SLC24A2: variants seen among roughly 807,000 people sequenced by gnomAD.
SLC24A2 encodes sodium/potassium/calcium exchanger 2.
A neutral mutation model predicts 62.0 loss-of-function variants in SLC24A2; 36 were observed. The ratio of observed to expected loss-of-function variants is 0.58; its 90% CI spans 0.44 to 0.77. The LOEUF is 0.77. SLC24A2 is among the 30% of genes least tolerant of loss of function. The pLI is 0.00. For synonymous variants in SLC24A2, 358 were observed against 294.0 expected (o/e 1.22, Z -2.23); for missense variants, 846 against 817.9 (o/e 1.03, Z -0.42).
At chr9:20,282,836 G>A in the SLC24A2 span, among the ~76,000 whole-genome samples, 1 of 152,100 alleles carries the variant, frequency 6.6e-6, no homozygotes, top group African/African-American at 2.4e-5. Context: ...TACCTTTCAT[G>A]TTGGACATAT....
At chr9:19,815,804 T>C in the SLC24A2 span, among the ~76,000 whole-genome samples, 1 of 152,246 alleles carries the variant, frequency 6.6e-6, no homozygotes, top group South Asian at 2.1e-4. Context: ...ATTTTACTTT[T>C]CACCATTTCA....
intron 2 of SLC24A2, among the ~76,000 whole-genome samples, chr9:19,666,716 C>G (rs1164785135): frequency 6.6e-6 from 1 of 152,006 alleles, no homozygotes; most frequent in Non-Finnish European, 1.5e-5. Flanking sequence ...CTTTTTTTTC[C>G]CCTGTCTAAA....
At chr9:19,630,305 T>C (rs1414144328) in intron 2 of SLC24A2, among the ~76,000 whole-genome samples, 1 of 152,102 alleles carries the variant, frequency 6.6e-6, no homozygotes, top group Non-Finnish European at 1.5e-5. Flanking sequence ...ATAGTAGAAT[T>C]CACTGAGCAA....
At chr9:19,905,373 A>G in the SLC24A2 span, among the ~76,000 whole-genome samples, 337 of 151,828 alleles carry the variant, frequency 2.2e-3, 1 homozygote, top group Admixed American at 5.6e-3. Context: ...ACATTTTGTC[A>G]AGTATTTCCC....
chr9:20,087,020 G>A, the SLC24A2 span, among the ~76,000 whole-genome samples: 4 of 152,178 alleles, frequency 2.6e-5, no homozygotes, highest in East Asian at 5.8e-4. Context: ...TACTTCAAAG[G>A]TGGCTGTGAA....
At chr9:19,547,481 T>A (rs771317114) in intron 8 of SLC24A2, among the ~76,000 whole-genome samples, 17 of 152,220 alleles carry the variant, frequency 1.1e-4, no homozygotes, top group Admixed American at 5.9e-4. Flanking sequence ...TTTCCAAAAG[T>A]TACCAGTTAG....
At chr9:20,204,480 C>T in the SLC24A2 span, among the ~76,000 whole-genome samples, 1 of 152,158 alleles carries the variant, frequency 6.6e-6, no homozygotes, top group Non-Finnish European at 1.5e-5. Flanking sequence ...ACAACACACA[C>T]AAGTGGTGCT....
chr9:19,853,261 T>G, the SLC24A2 span, among the ~76,000 whole-genome samples: 11 of 152,194 alleles, frequency 7.2e-5, no homozygotes, highest in African/African-American at 2.7e-4. Flanking sequence ...AAACAGAGAC[T>G]ATTTGACTTT....
the SLC24A2 span, among the ~76,000 whole-genome samples, chr9:20,229,972 G>A: frequency 6.7e-6 from 1 of 149,836 alleles, no homozygotes; most frequent in Admixed American, 6.8e-5. Context: ...CTATGAGTGA[G>A]AACATGTGGT....
Position 19,636,315 on chromosome 9 carries a change from T to TTTCCTTTTCTTTCC in SLC24A2, c.931-14017_931-14016insGGAAAGAAAAGGAA, listed in dbSNP as rs1554690361. Among the ~76,000 whole-genome samples, 69 of 40,318 alleles carry TTTCCTTTTCTTTCC rather than the reference T, an allele frequency of 1.7e-3. 1 individual carries two copies. Among genetic ancestry groups the TTTCCTTTTCTTTCC allele is most frequent in the African/African-American group, 3.7e-3 (32 of 8,652 alleles). The allele number at this position is 40,318 out of a possible 152,430, so 26.5% of individuals were successfully genotyped here. A position where few individuals can be genotyped will look rare whatever the true frequency, so the allele number is the denominator to read the frequency against. Reference sequence around the variant, plus strand: ...TTTTCTTTTCTTTTCTTTTCTTTTCTTTTCTTTCTTTCTTTCTTTCTTTCT... The same window carrying TTTCCTTTTCTTTCC: ...TTTTCTTTTCTTTTCTTTTCTTTTCTTTCCTTTTCTTTCCTTTCTTTCTTTCTTTCTTTCTTTCT... On this transcript the variant is annotated intron_variant, in intron 2 of 10. Transcript: ENST00000341998.
chr9:20,231,689 A>G, the SLC24A2 span, among the ~76,000 whole-genome samples: 11 of 152,290 alleles, frequency 7.2e-5, no homozygotes, highest in Admixed American at 2.0e-4. Flanking sequence ...AACAGGGACA[A>G]TTTGACTTCC....
intron 7 of SLC24A2, among the ~76,000 whole-genome samples, chr9:19,557,404 C>G (rs766640466): frequency 2.6e-5 from 4 of 152,086 alleles, no homozygotes; most frequent in Admixed American, 1.3e-4. Flanking sequence ...AAGAATGAGC[C>G]GAAGGCGGTG....
the SLC24A2 span, among the ~76,000 whole-genome samples, chr9:19,963,160 G>A: frequency 1.4e-5 from 2 of 144,222 alleles, no homozygotes; most frequent in Non-Finnish European, 3.1e-5. Flanking sequence ...AAACTGGCTA[G>A]CCATATGTAG....
chr9:19,901,568 C>A, the SLC24A2 span, among the ~76,000 whole-genome samples: 1 of 152,120 alleles, frequency 6.6e-6, no homozygotes, highest in Non-Finnish European at 1.5e-5. Flanking sequence ...ACAAGAGGAA[C>A]TATAAATATT....
At chr9:20,230,751 G>C in the SLC24A2 span, among the ~76,000 whole-genome samples, 2 of 152,132 alleles carry the variant, frequency 1.3e-5, no homozygotes, top group Non-Finnish European at 2.9e-5. Flanking sequence ...GATCCCATTT[G>C]TCAATTTTGG....
At chr9:20,010,154 C>G in the SLC24A2 span, among the ~76,000 whole-genome samples, 1 of 152,104 alleles carries the variant, frequency 6.6e-6, no homozygotes, top group African/African-American at 2.4e-5. Flanking sequence ...AAGAAGCAAC[C>G]CAGCCCAACT....
At chr9:19,790,880 T>C (rs1405908439), upstream of SLC24A2, among the ~76,000 whole-genome samples, 1 of 152,160 alleles carries the variant, frequency 6.6e-6, no homozygotes, top group African/African-American at 2.4e-5. Flanking sequence ...GTTTTTCTTA[T>C]GTTATCTTCT....
At chr9:19,779,064 A>G (rs572808012) in intron 2 of SLC24A2, among the ~76,000 whole-genome samples, 25 of 152,354 alleles carry the variant, frequency 1.6e-4, no homozygotes, top group African/African-American at 6.0e-4. Context: ...TTAAAGAGAA[A>G]ATGAGACGCT....
At chr9:20,068,969 C>T in the SLC24A2 span, among the ~76,000 whole-genome samples, 34 of 151,682 alleles carry the variant, frequency 2.2e-4, no homozygotes, top group African/African-American at 8.3e-4. Context: ...GCTGATTAGA[C>T]ATCTCCATTG....
Sources: allele counts gnomAD v4.1 joint callset (sites outside exome capture counted in the v4.1 genomes callset), GRCh38; gene constraint gnomAD v4.1.1; transcripts MANE v1.5; gene names NCBI Gene and HGNC (gene_info 2026-07-23, HGNC 2026-07-21).